Variants in RANBP2 observed in about 807,000 individuals in gnomAD.
The protein encoded by RANBP2 is E3 SUMO-protein ligase RanBP2.
Under a neutral mutation model 303.6 loss-of-function variants are expected in RANBP2, and 57 were observed. That is an observed-to-expected ratio of 0.19 (90% CI 0.15 to 0.23). RANBP2 has a LOEUF of 0.23. RANBP2 is among the 10% of genes least tolerant of loss of function. The pLI is 1.00. For synonymous variants in RANBP2, 1,167 were observed against 1,301.5 expected (o/e 0.90, Z 2.23); for missense variants, 3,138 against 3,780.8 (o/e 0.83, Z 4.46).
At chr2:108,780,359 A>AT (rs869269194) in intron 25 of RANBP2, among the ~76,000 whole-genome samples, 9,412 of 111,700 alleles carry the variant, frequency 0.084, 858 homozygotes, top group African/African-American at 0.24. Flanking sequence ...CGCCCGGCTA[A>AT]TTTTTTTTTT....
the RANBP2 span, among the ~76,000 whole-genome samples, chr2:109,219,732 C>CCTCT: frequency 6.6e-6 from 1 of 152,094 alleles, no homozygotes; most frequent in Non-Finnish European, 1.5e-5. Context: ...TAAACTTGAC[C>CCTCT]AAAGAGGTGA....
chr2:109,335,547 C>A, the RANBP2 span, among the ~76,000 whole-genome samples: 3 of 152,202 alleles, frequency 2.0e-5, no homozygotes, highest in African/African-American at 7.2e-5. Context: ...TCACCCTATC[C>A]CCATCCCAGT....
chr2:109,012,913 CAGAAAA>C, the RANBP2 span, among the ~76,000 whole-genome samples: 9 of 152,254 alleles, frequency 5.9e-5, no homozygotes, highest in East Asian at 1.7e-3. Flanking sequence ...GACTCCATCT[CAGAAAA>C]CAACAACAAC....
At chr2:109,039,465 C>T in the RANBP2 span, among the ~76,000 whole-genome samples, 2 of 152,354 alleles carry the variant, frequency 1.3e-5, no homozygotes, top group East Asian at 3.9e-4. Flanking sequence ...ATTCTCCTGG[C>T]TCGGCCTCCC....
At chr2:108,724,249 GC>G (rs1558868791) in intron 1 of RANBP2, among the ~76,000 whole-genome samples, 2 of 152,034 alleles carry the variant, frequency 1.3e-5, no homozygotes, top group African/African-American at 2.4e-5. Context: ...TGCAACTTCC[GC>G]CTCCCGGGTT....
the RANBP2 span, among the ~76,000 whole-genome samples, chr2:109,607,562 C>T: frequency 2.6e-5 from 4 of 152,116 alleles, no homozygotes; most frequent in African/African-American, 9.7e-5. Context: ...TTCTTTAGTA[C>T]TGGATTCCTC....
Position 108,751,912 on chromosome 2 carries a change from A to G in RANBP2, c.1673A>G (p.Glu558Gly). 1 of 1,611,986 alleles carries G rather than the reference A, an allele frequency of 6.2e-7. No homozygotes were observed. The highest frequency in any genetic ancestry group is 8.5e-7 in the Non-Finnish European group (1 of 1,179,860). Residue 558 changes from glutamate (E) to glycine (G), a missense_variant, in exon 12 of 29, where the codon GAA (glutamate) becomes GGA (glycine). By Grantham distance (98) the Glu-to-Gly change is moderately conservative (BLOSUM62 -2). This residue lies in a region of RANBP2 where 162 missense variants were observed against 286.9 expected (regional missense o/e 0.56). Transcript: ENST00000283195. The part of the protein sequence containing the change: ...VAKLRLLVQH[E>G]INTLRAQEKH... ...AAATTGAGACTTCTAGTTCAGCATG[A>G]AATAAACACTCTAAGAGCCCAGGAA...
chr2:108,957,204 C>G, the RANBP2 span, among the ~76,000 whole-genome samples: 1 of 152,210 alleles, frequency 6.6e-6, no homozygotes, highest in Non-Finnish European at 1.5e-5. Context: ...CAGTTCCAGC[C>G]CTCACACTGC....
At chr2:109,040,367 C>G in the RANBP2 span, among the ~76,000 whole-genome samples, 1 of 152,120 alleles carries the variant, frequency 6.6e-6, no homozygotes, top group Non-Finnish European at 1.5e-5. Context: ...TTATATGAAG[C>G]CTTGATATCC....
At chr2:109,050,572 C>T in the RANBP2 span, among the ~76,000 whole-genome samples, 137,320 of 152,124 alleles carry the variant, frequency 0.9, 62,503 homozygotes, top group East Asian at 1. Context: ...CTTTTTAATG[C>T]GATTACTAGA....
chr2:108,753,451 A>C lies in RANBP2; in HGVS notation c.1943A>C (p.Glu648Ala). Residue 648 changes from glutamate to alanine, a missense_variant, in exon 14 of 29, where the codon GAA becomes GCA. Coordinates refer to ENST00000283195, the MANE Select transcript of RANBP2 (RefSeq NM_006267.5). ...GCATCAGAAATTGTTGAATATGAAGAAGACGCACACATAACTTTTGCTATA... is the reference window on the plus strand; with the variant it reads ...GCATCAGAAATTGTTGAATATGAAGCAGACGCACACATAACTTTTGCTATA... Reference protein sequence around the residue: ...IQASEIVEYEEDAHITFAILD... With the variant: ...IQASEIVEYEADAHITFAILD... 6.2e-7 allele frequency: 1 copy of C among 1,611,856 alleles called. No homozygotes were observed. The highest frequency in any genetic ancestry group is 8.5e-7 in the Non-Finnish European group (1 of 1,179,782).
chr2:109,093,639 A>G, the RANBP2 span, among the ~76,000 whole-genome samples: 1 of 152,116 alleles, frequency 6.6e-6, no homozygotes, highest in Non-Finnish European at 1.5e-5. Context: ...TTTTAAGAAA[A>G]AAGAGCTCTA....
rs1057187477 is a variant in RANBP2 at position 108,772,906 on chromosome 2, C to A, written c.8152C>A (p.Pro2718Thr). Reference protein sequence around the residue: ...KECIIVWEKKPTVEEKAKADT... With the variant: ...KECIIVWEKKTTVEEKAKADT... ...ATGTATTATTGTTTGGGAAAAGAAACCAACAGTTGAAGAGAAGGCAAAAGC... is the reference window on the plus strand; with the variant it reads ...ATGTATTATTGTTTGGGAAAAGAAAACAACAGTTGAAGAGAAGGCAAAAGC... Residue 2718 changes from proline to threonine, a missense_variant, in exon 23 of 29, where the codon CCA becomes ACA. By Grantham distance (38) the Pro-to-Thr change is conservative. Transcript: ENST00000283195. 1.2e-6 allele frequency: 2 copies of A among 1,613,718 alleles called. No homozygotes were observed. The highest frequency in any genetic ancestry group is 2.7e-5 in the African/African-American group (2 of 74,838).
At chr2:108,973,565 G>A in the RANBP2 span, among the ~76,000 whole-genome samples, 5 of 152,188 alleles carry the variant, frequency 3.3e-5, no homozygotes, top group Non-Finnish European at 5.9e-5. Flanking sequence ...CTGTGAGTGT[G>A]GCTCCTGGAA....
the RANBP2 span, among the ~76,000 whole-genome samples, chr2:109,684,245 C>CTTTTT: frequency 1.1e-5 from 1 of 87,140 alleles, no homozygotes; most frequent in Non-Finnish European, 2.2e-5. Context: ...CCCGGTCTTA[C>CTTTTT]TTTTTTTTTT....
the RANBP2 span, among the ~76,000 whole-genome samples, chr2:109,144,323 A>G: frequency 1.3e-5 from 2 of 152,220 alleles, no homozygotes; most frequent in African/African-American, 2.4e-5. Context: ...TTATACCTCA[A>G]TAAAACAGGG....
chr2:108,990,065 G>A, the RANBP2 span, among the ~76,000 whole-genome samples: 1 of 152,212 alleles, frequency 6.6e-6, no homozygotes, highest in Admixed American at 6.5e-5. Context: ...GGAGGCTGAG[G>A]CGGGCAGATC....
the RANBP2 span, among the ~76,000 whole-genome samples, chr2:109,387,963 C>T: frequency 6.6e-6 from 1 of 152,090 alleles, no homozygotes; most frequent in African/African-American, 2.4e-5. Flanking sequence ...CTGAGGCTCC[C>T]CACACCAATT....
At chr2:109,100,841 C>T in the RANBP2 span, among the ~76,000 whole-genome samples, 3 of 152,196 alleles carry the variant, frequency 2.0e-5, no homozygotes, top group Non-Finnish European at 4.4e-5. Flanking sequence ...CAAAGTAAGG[C>T]TGCTGACATC....
Sources: allele counts gnomAD v4.1 joint callset (sites outside exome capture counted in the v4.1 genomes callset), GRCh38; gene constraint gnomAD v4.1.1; regional missense constraint gnomAD v4.1.1; transcripts MANE v1.5; gene names NCBI Gene and HGNC (gene_info 2026-07-23, HGNC 2026-07-21).